The following CDK6 variants were observed in gnomAD, a reference collection of about 807,000 sequenced individuals.
CDK6 encodes the protein cyclin dependent kinase 6, also known as cyclin-dependent kinase 6.
A neutral mutation model predicts 37.1 loss-of-function variants in CDK6; 6 were observed. The observed-to-expected ratio is 0.16, with a 90% confidence interval of 0.09 to 0.32. The LOEUF (loss-of-function observed/expected upper bound fraction) is 0.32, where lower values mean the gene tolerates loss of function less well. Ranked by LOEUF, CDK6 falls within the 10% of genes least tolerant of loss-of-function variation. The probability of loss-of-function intolerance (pLI) is 1.00; values close to 1 mark genes in which losing one functional copy is unlikely to be tolerated. For synonymous variants in CDK6, 160 were observed against 161.3 expected, an observed-to-expected ratio of 0.99 and a Z score of 0.06; for missense variants, 224 against 418.9, an observed-to-expected ratio of 0.53 and a Z score of 4.06.
chr7:92,615,633 C>G (rs1022518733), intron 7 of CDK6, among the ~76,000 whole-genome samples: 28 of 152,194 alleles, frequency 1.8e-4, no homozygotes, highest in African/African-American at 2.4e-4. Flanking sequence ...TATCCTGCCT[C>G]AAGGCTACAC....
At chr7:92,653,604 T>G (rs1473545120) in intron 5 of CDK6, among the ~76,000 whole-genome samples, 2 of 152,104 alleles carry the variant, frequency 1.3e-5, no homozygotes, top group Non-Finnish European at 2.9e-5. Context: ...CAGAATGAGT[T>G]TTCTGTATTC....
At chr7:92,764,613 G>T (rs546817100) in intron 3 of CDK6, among the ~76,000 whole-genome samples, 28 of 152,292 alleles carry the variant, frequency 1.8e-4, no homozygotes, top group South Asian at 1.0e-3. Context: ...CTTCTAGAGG[G>T]TGATGATGAG....
At chr7:92,723,086 G>A (rs1185767473) in intron 4 of CDK6, among the ~76,000 whole-genome samples, 1 of 152,168 alleles carries the variant, frequency 6.6e-6, no homozygotes, top group Non-Finnish European at 1.5e-5. Context: ...TGAGACACGA[G>A]AATCGCTTGA....
chr7:92,668,198 A>G (rs1017753963), intron 5 of CDK6, among the ~76,000 whole-genome samples: 13 of 152,240 alleles, frequency 8.5e-5, no homozygotes, highest in African/African-American at 3.1e-4. Context: ...CAGTATGATA[A>G]TATGTCATAC....
At chr7:92,733,160 A>G (rs147086212) in intron 3 of CDK6, among the ~76,000 whole-genome samples, 2 of 152,306 alleles carry the variant, frequency 1.3e-5, no homozygotes, top group East Asian at 1.9e-4. Context: ...TACAGACCCA[A>G]TGGGGCCTGT....
At chr7:92,733,344 C>G (rs1798697840) in intron 3 of CDK6, among the ~76,000 whole-genome samples, 1 of 152,208 alleles carries the variant, frequency 6.6e-6, no homozygotes, top group Non-Finnish European at 1.5e-5. Context: ...ACCCCACACT[C>G]AACGTCTTCC....
At chr7:92,806,450 T>A (rs1354031784) in intron 2 of CDK6, among the ~76,000 whole-genome samples, 1 of 152,212 alleles carries the variant, frequency 6.6e-6, no homozygotes, top group African/African-American at 2.4e-5. Flanking sequence ...AGCATCTTTA[T>A]AAAACGATGT....
chr7:92,829,655 T>C lies in CDK6; in HGVS notation c.233+3436A>G, dbSNP rs549270509. Among the ~76,000 whole-genome samples the C allele has an allele frequency of 1.1e-4, 16 of 152,336 alleles. No individual in the cohort carries two copies. The South Asian group carries it at 3.3e-3, about 32-fold the overall frequency. ...CACTTATATTAGCTATGTGTCAGTA[T>C]CTCATATAGATCAATCCCTATGTTA... On this transcript the variant is annotated intron_variant, in intron 2 of 7. Coordinates refer to ENST00000424848, the MANE Select transcript of CDK6 (RefSeq NM_001145306.2).
chr7:92,646,616 T>G lies in CDK6; in HGVS notation c.648-23530A>C, dbSNP rs567439782. On this transcript the variant is annotated intron_variant, in intron 5 of 7. Transcript: ENST00000424848. ...TTTCACCATGTTGGCCAGGCTGGTC[T>G]TAAACTCCCAATTTCAGGTAATCTG... Among the ~76,000 whole-genome samples the G allele has an allele frequency of 2.0e-5, 3 of 152,188 alleles. No individual in the cohort carries two copies. The South Asian group carries it at 6.2e-4, about 32-fold the overall frequency.
intron 4 of CDK6, among the ~76,000 whole-genome samples, chr7:92,703,096 A>G (rs1450752149): frequency 1.3e-5 from 2 of 152,238 alleles, no homozygotes; most frequent in Non-Finnish European, 2.9e-5. Context: ...TAGAGCTTAT[A>G]AAACCCAAAT....
chr7:92,609,752 C>T lies in CDK6; in HGVS notation c.*5388G>A, dbSNP rs1795520435. ...TATCCTGTTCACAGATGAGGACTGC[C>T]TTTTTAGTAACTAAGCCTGTTTTAA... On this transcript the variant is annotated 3_prime_UTR_variant, in exon 8 of 8. Transcript: ENST00000424848. The T allele has an allele frequency of 8.7e-6, 2 of 230,696 alleles. No homozygotes were observed. Among genetic ancestry groups the T allele is most frequent in the Non-Finnish European group, 1.7e-5 (2 of 116,610 alleles). 14.3% of individuals were successfully genotyped at this position (230,696 alleles called of 1,614,324 possible). A position where few individuals can be genotyped will look rare whatever the true frequency, so the allele number is the denominator to read the frequency against.
At chr7:92,824,872 T>C (rs547894932) in intron 2 of CDK6, among the ~76,000 whole-genome samples, 104 of 152,244 alleles carry the variant, frequency 6.8e-4, no homozygotes, top group South Asian at 4.1e-3. Context: ...TGTGGGGATA[T>C]GGCAGCCAAG....
intron 3 of CDK6, among the ~76,000 whole-genome samples, chr7:92,751,460 T>C (rs968439198): frequency 1.3e-5 from 2 of 152,158 alleles, no homozygotes; most frequent in African/African-American, 2.4e-5. Flanking sequence ...GGAGAGAAGA[T>C]AATTTAACTG....
At chr7:92,752,847 T>C (rs568267990) in intron 3 of CDK6, among the ~76,000 whole-genome samples, 9 of 152,312 alleles carry the variant, frequency 5.9e-5, no homozygotes, top group African/African-American at 1.7e-4. Context: ...TTCTCTGCTA[T>C]TCCTATTTCC....
intron 2 of CDK6, among the ~76,000 whole-genome samples, chr7:92,805,740 G>T (rs888673765): frequency 1.3e-5 from 2 of 152,228 alleles, no homozygotes; most frequent in African/African-American, 4.8e-5. Context: ...CAGGAGACCA[G>T]AAGTGTAATG....
chr7:92,778,240 A>C (rs892954273), intron 2 of CDK6, among the ~76,000 whole-genome samples: 1 of 152,212 alleles, frequency 6.6e-6, no homozygotes, highest in Non-Finnish European at 1.5e-5. Context: ...AATTATGGGC[A>C]GTTTGGGGTG....
chr7:92,784,055 T>C (rs1800062131), intron 2 of CDK6, among the ~76,000 whole-genome samples: 1 of 152,194 alleles, frequency 6.6e-6, no homozygotes, highest in South Asian at 2.1e-4. Context: ...CATCACTCTG[T>C]TATGCTAACT....
chr7:92,816,008 C>T (rs1801020564), intron 2 of CDK6, among the ~76,000 whole-genome samples: 1 of 152,184 alleles, frequency 6.6e-6, no homozygotes, highest in Admixed American at 6.5e-5. Flanking sequence ...AGATCCTCTC[C>T]CCAACAACAA....
intron 2 of CDK6, among the ~76,000 whole-genome samples, chr7:92,806,524 G>A (rs1188895691): frequency 5.3e-5 from 8 of 152,198 alleles, no homozygotes; most frequent in Non-Finnish European, 2.9e-5. Flanking sequence ...GTGGGAAGGA[G>A]TGGAGGATGT....
Sources: gnomAD v4.1 joint callset for allele counts (sites outside exome capture counted in the v4.1 genomes callset) on GRCh38, gnomAD v4.1.1 for gene constraint, MANE v1.5 for transcripts, NCBI Gene and HGNC (gene_info 2026-07-23, HGNC 2026-07-21) for gene names.